Variants in DPYSL3 observed in about 807,000 individuals in gnomAD.
DPYSL3 encodes the protein dihydropyrimidinase like 3.
In DPYSL3, 16 loss-of-function variants were observed where a neutral mutation model predicts 66.1. The ratio of observed to expected loss-of-function variants is 0.24; its 90% CI spans 0.16 to 0.37. The LOEUF (loss-of-function observed/expected upper bound fraction) is 0.37. DPYSL3 is among the 10% of genes least tolerant of loss of function. DPYSL3 has a pLI of 1.00. For missense variants in DPYSL3, 738 were observed against 916.2 expected, an observed-to-expected ratio of 0.81 and a Z score of 2.51; for synonymous variants, 338 against 345.1, an observed-to-expected ratio of 0.98 and a Z score of 0.23.
Position 147,431,370 on chromosome 5 carries a change from A to C in DPYSL3, c.382-6407T>G, listed in dbSNP as rs138390240. 3.2e-3 allele frequency among the ~76,000 whole-genome samples: 487 copies of C among 151,824 alleles called. 4 individuals are homozygous for C. Among genetic ancestry groups the C allele is most frequent in the African/African-American group, 0.011 (466 of 41,382 alleles). ...GAGCTTGACTTCTAGCACCAACACT[A>C]CCCGTGTTTGGATAAATGACTTCAC... On this transcript the variant is annotated intron_variant, in intron 1 of 13. Coordinates refer to ENST00000343218, the MANE Select transcript of DPYSL3 (RefSeq NM_001197294.2).
intron 1 of DPYSL3, among the ~76,000 whole-genome samples, chr5:147,477,599 G>A (rs1314071555): frequency 5.8e-5 from 7 of 121,010 alleles, no homozygotes; most frequent in African/African-American, 2.0e-4. Context: ...TTTTTGAGAC[G>A]GAGTCTCGCT....
At chr5:147,505,134 T>C (rs888871544) in intron 1 of DPYSL3, among the ~76,000 whole-genome samples, 5 of 152,196 alleles carry the variant, frequency 3.3e-5, no homozygotes, top group Non-Finnish European at 7.3e-5. Flanking sequence ...ATGCCTATTA[T>C]GAGAAAACTC....
chr5:147,448,091 T>C (rs888421113), intron 1 of DPYSL3, among the ~76,000 whole-genome samples: 3 of 152,186 alleles, frequency 2.0e-5, no homozygotes, highest in Non-Finnish European at 4.4e-5. Context: ...GGGGTTTTTT[T>C]TTCTTTTGGT....
At chr5:147,442,301 G>C (rs1279056923) in intron 1 of DPYSL3, among the ~76,000 whole-genome samples, 3 of 152,190 alleles carry the variant, frequency 2.0e-5, no homozygotes, top group Non-Finnish European at 4.4e-5. Context: ...AAGACACAGT[G>C]TACCTCTACA....
At chr5:147,467,319 T>A (rs908967803) in intron 1 of DPYSL3, among the ~76,000 whole-genome samples, 1 of 152,196 alleles carries the variant, frequency 6.6e-6, no homozygotes, top group Non-Finnish European at 1.5e-5. Flanking sequence ...ACAGGTCTTA[T>A]GAAACAGAAA....
chr5:147,453,464 C>T (rs1581202941), intron 1 of DPYSL3: 7 of 1,463,712 alleles, frequency 4.8e-6, no homozygotes, highest in Non-Finnish European at 5.4e-6. Context: ...GCCAGAGAAG[C>T]CGGCGGGATC....
chr5:147,496,568 C>T (rs1474396670), intron 1 of DPYSL3, among the ~76,000 whole-genome samples: 1 of 151,988 alleles, frequency 6.6e-6, no homozygotes, highest in African/African-American at 2.4e-5. Context: ...AAACAAACAA[C>T]CCCATCAAAA....
At chr5:147,476,640 C>A (rs550326033) in intron 1 of DPYSL3, among the ~76,000 whole-genome samples, 112 of 152,212 alleles carry the variant, frequency 7.4e-4, no homozygotes, top group Non-Finnish European at 1.4e-3. Flanking sequence ...GTGAAAAATG[C>A]AAACTGGTGA....
In DPYSL3 at chr5:147,509,410, G is replaced by A; in HGVS notation, c.381+68C>T. 2 of 1,439,142 alleles carry A rather than the reference G, an allele frequency of 1.4e-6. No individual in the cohort carries two copies. The highest frequency in any genetic ancestry group is 1.8e-6 in the Non-Finnish European group (2 of 1,098,388). The allele number at this position is 1,439,142 out of a possible 1,614,324, so 89.1% of individuals were successfully genotyped here. ...AAGTGAGCTGGAGAAAGTTGTGCCC[G>A]GGCCATGGCGGCCAGGGCTGGAGAA... On this transcript the variant is annotated intron_variant, in intron 1 of 13. Transcript: ENST00000343218. The surrounding 1 kb of genome is among the most constrained non-coding windows in gnomAD (Gnocchi z 5.3).
chr5:147,395,574 C>T lies in DPYSL3; in HGVS notation c.1951G>A (p.Gly651Arg), dbSNP rs1757943213. The T allele has an allele frequency of 6.2e-7, 1 of 1,612,808 alleles. No homozygotes were observed. The highest frequency in any genetic ancestry group is 8.5e-7 in the Non-Finnish European group (1 of 1,179,536). The change falls in exon 13 of 14, where the codon GGA becomes AGA. Residue 651 changes from glycine to arginine, a missense_variant. Gly to Arg is a moderately radical substitution (Grantham distance 125). Coordinates refer to ENST00000343218, the MANE Select transcript of DPYSL3 (RefSeq NM_001197294.2). The stretch of plus-strand genomic sequence containing the variant: ...TCCCACTCACCTGACAGGCTAAATC[C>T]CGACTGATGAAGATTCCTCACAGGT... ...NPPVRNLHQS[G>R]FSLSGTQVDE...
intron 1 of DPYSL3, among the ~76,000 whole-genome samples, chr5:147,500,038 C>T (rs1445650602): frequency 6.6e-6 from 1 of 151,988 alleles, no homozygotes; most frequent in Non-Finnish European, 1.5e-5. Context: ...AAAATAACTC[C>T]AAATGGATCA....
chr5:147,502,633 G>A (rs185584112), intron 1 of DPYSL3, among the ~76,000 whole-genome samples: 1 of 145,010 alleles, frequency 6.9e-6, no homozygotes, highest in East Asian at 2.2e-4. Flanking sequence ...CTGGAGTGCA[G>A]TGGCGCAGTC....
In DPYSL3 at chr5:147,509,529, G is replaced by C; in HGVS notation, c.330C>G (p.Ile110Met). 2 of 1,534,464 alleles carry C rather than the reference G, an allele frequency of 1.3e-6. No homozygotes were observed. Among genetic ancestry groups the C allele is most frequent in the Non-Finnish European group, 1.7e-6 (2 of 1,146,164 alleles). ...ACACCTCTTTGCCGGTGGCGCTCCG[G>C]ATCTCTACCCCGGCGGGGGCGGGGG... Reference protein sequence around the residue: ...PASPAPAGVEIRSATGKEVLQ... With the variant: ...PASPAPAGVEMRSATGKEVLQ... Residue 110 changes from isoleucine (I) to methionine (M), a missense_variant, in exon 1 of 14, where the codon ATC (isoleucine) becomes ATG (methionine). By Grantham distance (10) the Ile-to-Met change is conservative (BLOSUM62 1). Coordinates refer to ENST00000343218, the MANE Select transcript of DPYSL3 (RefSeq NM_001197294.2). This position sits in a 1 kb window ranked among gnomAD's most constrained non-coding sequence, Gnocchi z 5.3.
At position 147,453,609 on chromosome 5, in the gene DPYSL3, G is replaced by T. The variant is rs370710925; in HGVS notation, c.382-28646C>A. ...ACATGGTGGCGGTGGTGGCTGCAGC[G>T]GCTGGCTCCCTCCCTCCTTCTTCTG... On this transcript the variant is annotated intron_variant, in intron 1 of 13. Transcript: ENST00000343218. The T allele has an allele frequency of 2.4e-5, 36 of 1,529,112 alleles. No homozygotes were observed. In the East Asian group the frequency reaches 3.7e-4, roughly 16 times the overall value. The allele number at this position is 1,529,112 out of a possible 1,614,324, so 94.7% of individuals were successfully genotyped here.
Position 147,507,342 on chromosome 5 carries a change from ATT to A in DPYSL3, c.381+2134_381+2135del, listed in dbSNP as rs112908394. ...CTACAGGTAGGTAGATTTGGGCTTA[ATT>A]TTTTTTTTTTTTTAAGTAAAGTTGT... On this transcript the variant is annotated intron_variant, in intron 1 of 13. Coordinates refer to ENST00000343218, the MANE Select transcript of DPYSL3 (RefSeq NM_001197294.2). Among the ~76,000 whole-genome samples, 537 of 146,158 alleles carry A rather than the reference ATT, an allele frequency of 3.7e-3. 5 individuals carry two copies. The highest frequency in any genetic ancestry group is 0.012 in the African/African-American group (494 of 39,992).
intron 8 of DPYSL3, among the ~76,000 whole-genome samples, chr5:147,404,525 C>T (rs1182897342): frequency 1.3e-5 from 2 of 152,218 alleles, no homozygotes; most frequent in Non-Finnish European, 1.5e-5. Context: ...TGGCACGCAG[C>T]AGTAGCAACC....
At chr5:147,445,477 G>T (rs866502869) in intron 1 of DPYSL3, among the ~76,000 whole-genome samples, 4 of 152,296 alleles carry the variant, frequency 2.6e-5, no homozygotes, top group Middle Eastern at 6.8e-3. Flanking sequence ...CATTCCTGTA[G>T]GTAAGTGTTA....
intron 1 of DPYSL3, among the ~76,000 whole-genome samples, chr5:147,492,990 A>T (rs1200352599): frequency 1.3e-5 from 2 of 152,228 alleles, no homozygotes; most frequent in African/African-American, 4.8e-5. Context: ...AAGAAAAGGA[A>T]TGGAGAAAGA....
chr5:147,401,718 C>A (rs374289709), intron 8 of DPYSL3, 22 bp from the exon 9 acceptor site: 43 of 1,613,576 alleles, frequency 2.7e-5, no homozygotes, highest in Non-Finnish European at 3.2e-5. Context: ...AGGAAACAGA[C>A]AAGGGGTTAG....
Sources: gnomAD v4.1 joint callset for allele counts (sites outside exome capture counted in the v4.1 genomes callset) on GRCh38, gnomAD v4.1.1 for gene constraint, Gnocchi (gnomAD v3.1) non-coding constraint, MANE v1.5 for transcripts, NCBI Gene and HGNC (gene_info 2026-07-23, HGNC 2026-07-21) for gene names.